The following GPR18 variants were observed in gnomAD, a reference collection of about 807,000 sequenced individuals.
GPR18 encodes the protein G protein-coupled receptor 18, also known as N-arachidonyl glycine receptor.
A neutral mutation model predicts 22.8 loss-of-function variants in GPR18; 20 were observed. The ratio of observed to expected loss-of-function variants is 0.88; its 90% CI spans 0.62 to 1.28. The LOEUF is 1.28. GPR18 is among the 50% of genes most tolerant of loss of function. GPR18 has a pLI of 0.00. For missense variants in GPR18, 379 were observed against 412.0 expected (o/e 0.92, Z 0.69); for synonymous variants, 160 against 155.3 (o/e 1.03, Z -0.22).
rs147474658 is a variant in GPR18 at position 99,254,970 on chromosome 13, C to T, written c.903G>A (p.Met301Ile). ...TGCTTCGAAGGTAATTACGGTATAGCATGACACTAATGACTCGAGCCTGAA... is the reference window on the plus strand; with the variant it reads ...TGCTTCGAAGGTAATTACGGTATAGTATGACACTAATGACTCGAGCCTGAA... The part of the protein sequence containing the change: ...KQFQARVISV[M>I]LYRNYLRSMR... Residue 301 changes from methionine to isoleucine, a missense_variant, in exon 2 of 2, where the codon ATG becomes ATA. Physicochemically the swap from Met to Ile is conservative, Grantham distance 10. Coordinates refer to ENST00000397470, the MANE Select transcript of GPR18 (RefSeq NM_001098200.2). The T allele has an allele frequency of 2.2e-4, 348 of 1,613,962 alleles. 1 individual carries two copies. The highest frequency in any genetic ancestry group is 2.3e-4 in the Non-Finnish European group (277 of 1,180,008).
At chr13:99,256,962 G>T (rs1421015490) in intron 1 of GPR18, among the ~76,000 whole-genome samples, 1 of 152,136 alleles carries the variant, frequency 6.6e-6, no homozygotes, top group African/African-American at 2.4e-5. Flanking sequence ...TTCTCTTTAA[G>T]GAAAACTATG....
Position 99,255,663 on chromosome 13 carries a change from T to C in GPR18, c.210A>G (p.Ile70Met). 2 of 1,614,074 alleles carry C rather than the reference T, an allele frequency of 1.2e-6. No individual in the cohort carries two copies. The highest frequency in any genetic ancestry group is 2.2e-5 in the South Asian group (2 of 91,082). ...TTCGAAAGGGTAAAGTCATTATAAA[T>C]ATCAAGTCCACTAATGCCACATTCA... ...YMMNVALVDL[I>M]FIMTLPFRMF... The change falls in exon 2 of 2, where the codon ATA (isoleucine) becomes ATG (methionine). Residue 70 changes from isoleucine (I) to methionine (M), a missense_variant. Coordinates refer to ENST00000397470, the MANE Select transcript of GPR18 (RefSeq NM_001098200.2).
rs2138626783 is a variant in GPR18, at chr13:99,255,340, A to T, written c.533T>A (p.Ile178Asn). The T allele has an allele frequency of 6.2e-7, 1 of 1,614,190 alleles. No individual in the cohort carries two copies. Among genetic ancestry groups the T allele is most frequent in the Middle Eastern group, 1.6e-4 (1 of 6,062 alleles). Residue 178 changes from isoleucine to asparagine, a missense_variant, in exon 2 of 2, where the codon ATC becomes AAC. Ile to Asn is a moderately radical substitution (Grantham distance 149). Coordinates refer to ENST00000397470, the MANE Select transcript of GPR18 (RefSeq NM_001098200.2). ...TPATCLKISD[I>N]IYLKAVNVLN... ...CACGTTCACAGCTTTTAGATAGATG[A>T]TGTCAGAAATCTTGAGGCAGGTGGC... is the stretch of plus-strand genomic sequence containing the variant.
At position 99,254,842 on chromosome 13, in the gene GPR18, A is replaced by G; in HGVS notation, c.*35T>C. 1 of 1,552,176 alleles carries G rather than the reference A, an allele frequency of 6.4e-7. No individual in the cohort carries two copies. Among genetic ancestry groups the G allele is most frequent in the Non-Finnish European group, 8.8e-7 (1 of 1,140,334 alleles). On this transcript the variant is annotated 3_prime_UTR_variant, in exon 2 of 2. Transcript: ENST00000397470. ...GACGCCAGAGTAGTTAGTGAAGTGA[A>G]TTTTGATGGGATTGAAATGAAAGAA...
Position 99,255,613 on chromosome 13 carries a change from C to T in GPR18, c.260G>A (p.Trp87Ter). The T allele has an allele frequency of 6.2e-7, 1 of 1,614,056 alleles. No homozygotes were observed. Among genetic ancestry groups the T allele is most frequent in the Non-Finnish European group, 8.5e-7 (1 of 1,180,000 alleles). ...FRMFYYAKDE[W>*]PFGEYFCQIL... The stretch of plus-strand genomic sequence containing the variant: ...CTGGCAGAAGTACTCTCCAAATGGC[C>T]ATTCATCTTTTGCATAATAAAACAT... Residue 87 changes from tryptophan to a stop codon, truncating the protein, a stop_gained, in exon 2 of 2, where the codon TGG becomes TAG. Transcript: ENST00000397470. LOFTEE classifies it high-confidence loss of function.
At chr13:99,256,727 T>C (rs1487748913) in intron 1 of GPR18, among the ~76,000 whole-genome samples, 2 of 141,214 alleles carry the variant, frequency 1.4e-5, no homozygotes, top group Non-Finnish European at 1.5e-5. Flanking sequence ...AAAAAAACCG[T>C]CCATTTTAAA....
intron 1 of GPR18, among the ~76,000 whole-genome samples, chr13:99,256,847 A>G (rs1264268524): frequency 1.3e-5 from 2 of 152,172 alleles, no homozygotes; most frequent in African/African-American, 4.8e-5. Context: ...CTTTGCTGCA[A>G]TGAGATGGAA....
In GPR18 at chr13:99,254,813, C is replaced by T; in HGVS notation, c.*64G>A. On this transcript the variant is annotated 3_prime_UTR_variant, in exon 2 of 2. Transcript: ENST00000397470. The stretch of plus-strand genomic sequence containing the variant: ...ACTTGATAGTATTATACAGAATATC[C>T]ATTGACGCCAGAGTAGTTAGTGAAG... 1 of 1,216,056 alleles carries T rather than the reference C, an allele frequency of 8.2e-7. No homozygotes were observed. The highest frequency in any genetic ancestry group is 1.2e-6 in the Non-Finnish European group (1 of 852,456). The allele number at this position is 1,216,056 out of a possible 1,614,324, so 75.3% of individuals were successfully genotyped here. A position where few individuals can be genotyped will look rare whatever the true frequency, so the allele number is the denominator to read the frequency against.
intron 1 of GPR18, 82 bp downstream of exon 1, chr13:99,258,072 T>C (rs2043598866): frequency 6.6e-6 from 1 of 152,246 alleles, no homozygotes; most frequent in Non-Finnish European, 1.5e-5. Flanking sequence ...GCCTGTATTA[T>C]TAAAATGAAA....
In GPR18 at chr13:99,255,415, G is replaced by A. The variant is rs1463390553; in HGVS notation, c.458C>T (p.Thr153Ile). The part of the protein sequence containing the change: ...VGVWIMTLTT[T>I]TPLLLLYKDP... ...TTTATAGAGCAGTAGCAGAGGGGTG[G>A]TCGTGGTCAGGGTCATTATCCAGAC... Residue 153 changes from threonine to isoleucine, a missense_variant, in exon 2 of 2, where the codon ACC becomes ATC. Physicochemically the swap from Thr to Ile is moderately conservative, Grantham distance 89. Coordinates refer to ENST00000397470, the MANE Select transcript of GPR18 (RefSeq NM_001098200.2). 1.9e-6 allele frequency: 3 copies of A among 1,614,094 alleles called. No individual in the cohort carries two copies. Among genetic ancestry groups the A allele is most frequent in the Admixed American group, 3.3e-5 (2 of 60,000 alleles).
Position 99,255,466 on chromosome 13 carries a change from C to T in GPR18, c.407G>A (p.Cys136Tyr), listed in dbSNP as rs2043533787. 1 of 1,614,084 alleles carries T rather than the reference C, an allele frequency of 6.2e-7. No homozygotes were observed. The highest frequency in any genetic ancestry group is 8.5e-7 in the Non-Finnish European group (1 of 1,180,024). ...TCCCACACACGCCAGCACGGCTTTG[C>T]ACGTGTTTTTAAGTTCTTTGGCGTA... ...PKYAKELKNTCKAVLACVGVW... is the reference protein window; with the variant it reads ...PKYAKELKNTYKAVLACVGVW... Residue 136 changes from cysteine to tyrosine, a missense_variant, in exon 2 of 2, where the codon TGC becomes TAC. Coordinates refer to ENST00000397470, the MANE Select transcript of GPR18 (RefSeq NM_001098200.2).
chr13:99,256,382 G>A (rs1286752852), intron 1 of GPR18: 1 of 152,200 alleles, frequency 6.6e-6, no homozygotes, highest in African/African-American at 2.4e-5. Context: ...TTTGTGTCAT[G>A]GTCAGCAGAT....
Position 99,255,525 on chromosome 13 carries a change from A to G in GPR18, c.348T>C (p.Ser116=). 3 of 1,614,200 alleles carry G rather than the reference A, an allele frequency of 1.9e-6. No homozygotes were observed. Among genetic ancestry groups the G allele is most frequent in the Non-Finnish European group, 2.5e-6 (3 of 1,180,028 alleles). Residue 116 remains serine, a synonymous_variant, in exon 2 of 2, where the codon AGT becomes AGC. Coordinates refer to ENST00000397470, the MANE Select transcript of GPR18 (RefSeq NM_001098200.2). Reference sequence around the variant, plus strand: ...GTACAATGGCCATGTATCTGTCAGCACTAATAAAGGCAAGAAGCCATAAAG... The same window carrying G: ...GTACAATGGCCATGTATCTGTCAGCGCTAATAAAGGCAAGAAGCCATAAAG... ...SIALWLLAFI[S]ADRYMAIVQP... is the part of the protein sequence containing the mutation.
In GPR18 at chr13:99,254,985, T is replaced by G. The variant is rs769523403; in HGVS notation, c.888A>C (p.Arg296=). 1.2e-6 allele frequency: 2 copies of G among 1,614,128 alleles called. No homozygotes were observed. The highest frequency in any genetic ancestry group is 1.7e-6 in the Non-Finnish European group (2 of 1,180,024). The change falls in exon 2 of 2, where the codon CGA becomes CGC. Residue 296 remains arginine, a synonymous_variant. Transcript: ENST00000397470. Reference sequence around the variant, plus strand: ...TACGGTATAGCATGACACTAATGACTCGAGCCTGAAATTGTTTTGAAACGA... The same window carrying G: ...TACGGTATAGCATGACACTAATGACGCGAGCCTGAAATTGTTTTGAAACGA... ...YYIVSKQFQA[R]VISVMLYRNY... is the part of the protein sequence containing the mutation.
Position 99,255,236 on chromosome 13 carries a change from T to A in GPR18, c.637A>T (p.Asn213Tyr), listed in dbSNP as rs146690022. Residue 213 changes from asparagine (N) to tyrosine (Y), a missense_variant, in exon 2 of 2, where the codon AAT (asparagine) becomes TAT (tyrosine). Asn to Tyr is a moderately radical substitution (Grantham distance 143). Coordinates refer to ENST00000397470, the MANE Select transcript of GPR18 (RefSeq NM_001098200.2). ...MIGCYLVIIH[N>Y]LLHGRTSKLK... ...TTAGACGTCCTGCCGTGAAGGAGAT[T>A]ATGAATAATGACCAAGTAGCACCCA... The A allele has an allele frequency of 9.9e-6, 16 of 1,613,932 alleles. No homozygotes were observed. The African/African-American group carries it at 1.5e-4, about 15-fold the overall frequency.
Position 99,255,374 on chromosome 13 carries a change from A to G in GPR18, c.499T>C (p.Ser167Pro). The G allele has an allele frequency of 6.2e-7, 1 of 1,614,062 alleles. No homozygotes were observed. Among genetic ancestry groups the G allele is most frequent in the Admixed American group, 1.7e-5 (1 of 59,996 alleles). Residue 167 changes from serine to proline, a missense_variant, in exon 2 of 2, where the codon TCC becomes CCC. By Grantham distance (74) the Ser-to-Pro change is moderately conservative. Coordinates refer to ENST00000397470, the MANE Select transcript of GPR18 (RefSeq NM_001098200.2). ...ATCTTGAGGCAGGTGGCGGGAGTGG[A>G]GTCTTTATCTGGGTCTTTATAGAGC... ...LLLYKDPDKD[S>P]TPATCLKISD...
At position 99,254,857 on chromosome 13, in the gene GPR18, A is replaced by G. The variant is rs1414907306; in HGVS notation, c.*20T>C. On this transcript the variant is annotated 3_prime_UTR_variant, in exon 2 of 2. Coordinates refer to ENST00000397470, the MANE Select transcript of GPR18 (RefSeq NM_001098200.2). ...AGTGAAGTGAATTTTGATGGGATTGAAATGAAAGAACCTTATTATTCATAA... is the reference window on the plus strand; with the variant it reads ...AGTGAAGTGAATTTTGATGGGATTGGAATGAAAGAACCTTATTATTCATAA... 1.3e-6 allele frequency: 2 copies of G among 1,582,528 alleles called. No homozygotes were observed. The highest frequency in any genetic ancestry group is 1.7e-6 in the Non-Finnish European group (2 of 1,161,846).
At chr13:99,256,710 CAA>C (rs3031409) in intron 1 of GPR18, among the ~76,000 whole-genome samples, 1 of 146,046 alleles carries the variant, frequency 6.8e-6, no homozygotes, top group African/African-American at 2.5e-5. Flanking sequence ...TTTCCATCAC[CAA>C]AAAAAAAAAA....
chr13:99,257,993 G>T (rs778122070), intron 1 of GPR18, among the ~76,000 whole-genome samples, 161 bp downstream of exon 1: 1 of 152,150 alleles, frequency 6.6e-6, no homozygotes, highest in East Asian at 1.9e-4. Context: ...TGGTGCTCCT[G>T]GGCACAACTG....
Sources: gnomAD v4.1 joint callset for allele counts (sites outside exome capture counted in the v4.1 genomes callset) on GRCh38, gnomAD v4.1.1 for gene constraint, MANE v1.5 for transcripts, NCBI Gene and HGNC (gene_info 2026-07-23, HGNC 2026-07-21) for gene names.